Variants in NRCAM observed in about 807,000 individuals in gnomAD.
The protein encoded by NRCAM is NgCAM-related cell adhesion molecule.
In NRCAM, 83 loss-of-function variants were observed where a neutral mutation model predicts 156.5. The observed-to-expected ratio is 0.53, with a 90% CI of 0.44 to 0.64. The LOEUF (loss-of-function observed/expected upper bound fraction) is 0.64. Among genes scored for constraint, NRCAM ranks in the 30% least tolerant of loss-of-function variants. NRCAM has a pLI of 0.00. For missense variants in NRCAM, 1,417 were observed against 1,597.3 expected, an observed-to-expected ratio of 0.89 and a Z score of 1.92; for synonymous variants, 538 against 563.9, an observed-to-expected ratio of 0.95 and a Z score of 0.65.
At chr7:108,268,645 C>T (rs528860126) in intron 3 of NRCAM, among the ~76,000 whole-genome samples, 11 of 84,890 alleles carry the variant, frequency 1.3e-4, no homozygotes, top group East Asian at 7.3e-4. Context: ...TTGGGGGGGG[C>T]GGCGGTGGCG....
At chr7:108,309,644 G>T (rs1001068221) in intron 3 of NRCAM, among the ~76,000 whole-genome samples, 1 of 152,106 alleles carries the variant, frequency 6.6e-6, no homozygotes, top group African/African-American at 2.4e-5. Flanking sequence ...ATCACTTGAG[G>T]CCAGGAGCTC....
At chr7:108,227,415 G>T (rs1347624387) in intron 8 of NRCAM, among the ~76,000 whole-genome samples, 1 of 152,272 alleles carries the variant, frequency 6.6e-6, no homozygotes, top group East Asian at 1.9e-4. Context: ...TCAAATCATG[G>T]TAATTAGCAT....
chr7:108,214,607 T>C (rs1448945997), intron 11 of NRCAM, among the ~76,000 whole-genome samples: 3 of 152,202 alleles, frequency 2.0e-5, no homozygotes, highest in African/African-American at 7.2e-5. Context: ...TCGCCTTTAG[T>C]TCTGCTCTGA....
At chr7:108,393,053 T>A (rs2099765848) in intron 2 of NRCAM, among the ~76,000 whole-genome samples, 1 of 152,150 alleles carries the variant, frequency 6.6e-6, no homozygotes, top group Admixed American at 6.5e-5. Flanking sequence ...TTCTCAGATC[T>A]CAAACTCTGT....
chr7:108,411,008 T>A (rs1262361271), intron 1 of NRCAM, among the ~76,000 whole-genome samples: 4 of 151,970 alleles, frequency 2.6e-5, no homozygotes, highest in Non-Finnish European at 2.9e-5. Flanking sequence ...TCTGTTTTTT[T>A]AAAAAAACTT....
intron 3 of NRCAM, among the ~76,000 whole-genome samples, chr7:108,304,259 A>G (rs2098680585): frequency 1.3e-5 from 2 of 152,096 alleles, no homozygotes; most frequent in African/African-American, 2.4e-5. Context: ...TTCCTTAATG[A>G]TCAGTTAAAG....
intron 6 of NRCAM, 36 bp downstream of exon 6, chr7:108,234,547 T>G: frequency 8.2e-7 from 1 of 1,212,870 alleles, no homozygotes; most frequent in Non-Finnish European, 1.2e-6. Flanking sequence ...TCCTGATTTA[T>G]TCTCAGTACT....
intron 1 of NRCAM, among the ~76,000 whole-genome samples, chr7:108,453,490 T>C (rs540209900): frequency 7.9e-5 from 12 of 152,298 alleles, no homozygotes; most frequent in African/African-American, 2.9e-4. Flanking sequence ...TTAACAAAAA[T>C]GATGTGGTGT....
At chr7:108,373,303 T>C (rs976141762) in intron 2 of NRCAM, among the ~76,000 whole-genome samples, 1 of 152,208 alleles carries the variant, frequency 6.6e-6, no homozygotes, top group Non-Finnish European at 1.5e-5. Context: ...TCAACAGTAC[T>C]GTATTGTACA....
At chr7:108,275,644 C>G (rs921542688) in intron 3 of NRCAM, among the ~76,000 whole-genome samples, 1 of 152,128 alleles carries the variant, frequency 6.6e-6, no homozygotes, top group Non-Finnish European at 1.5e-5. Flanking sequence ...ATTAGTCTTG[C>G]AGGCGGTCTC....
chr7:108,230,334 C>A (rs531497509), intron 8 of NRCAM, among the ~76,000 whole-genome samples: 190 of 151,742 alleles, frequency 1.3e-3, no homozygotes, highest in Non-Finnish European at 2.3e-3. Context: ...AAGTCACCAA[C>A]AAATTTCATC....
Position 108,154,978 on chromosome 7 carries a change from A to T in NRCAM, c.3677+4485T>A, listed in dbSNP as rs148982570. Among the ~76,000 whole-genome samples the T allele has an allele frequency of 3.6e-3, 554 of 152,048 alleles. 3 individuals are homozygous for T. Among genetic ancestry groups the T allele is most frequent in the Non-Finnish European group, 4.6e-3 (310 of 67,980 alleles). On this transcript the variant is annotated intron_variant, in intron 32 of 32. Transcript: ENST00000379028. ...GATGAATTTTGTAATGAAATAGTAA[A>T]TAACTTTTTGACATTGTATTCAGTG...
chr7:108,197,992 C>T lies in NRCAM; in HGVS notation c.1315G>A (p.Gly439Arg). 1.3e-6 allele frequency: 2 copies of T among 1,584,382 alleles called. No individual in the cohort carries two copies. The highest frequency in any genetic ancestry group is 2.3e-5 in the South Asian group (2 of 85,282). ...ACAAATGCGTTTGCCAGTAAATATC[C>T]ATATTCATTAGAGGCATTGCACTGA... ...VYQCNASNEY[G>R]YLLANAFVNV... Residue 439 changes from glycine to arginine, a missense_variant, in exon 14 of 33, where the codon GGA becomes AGA. Coordinates refer to ENST00000379028, the MANE Select transcript of NRCAM (RefSeq NM_001037132.4).
At chr7:108,310,666 C>A (rs1046237862) in intron 3 of NRCAM, among the ~76,000 whole-genome samples, 3 of 152,196 alleles carry the variant, frequency 2.0e-5, no homozygotes, top group African/African-American at 4.8e-5. Context: ...TAGGGACATT[C>A]TGAGTATAAG....
At chr7:108,316,195 G>A (rs1480599589) in intron 2 of NRCAM, among the ~76,000 whole-genome samples, 1 of 152,144 alleles carries the variant, frequency 6.6e-6, no homozygotes, top group Non-Finnish European at 1.5e-5. Context: ...TCTCACAAGA[G>A]TGGATTTGTC....
At chr7:108,246,220 C>T (rs7777322) in intron 3 of NRCAM, among the ~76,000 whole-genome samples, 10,431 of 152,236 alleles carry the variant, frequency 0.069, 509 homozygotes, top group African/African-American at 0.12. Flanking sequence ...CTGCTCCACT[C>T]TGAATGCCTG....
Position 108,191,907 on chromosome 7 carries a change from T to C in NRCAM, c.1779-54A>G, listed in dbSNP as rs2071918099. 3.2e-6 allele frequency: 5 copies of C among 1,548,228 alleles called. No individual in the cohort carries two copies. The African/African-American group carries it at 4.1e-5, about 13-fold the overall frequency. ...GAAATGGACATGCAGCCGTACCCTATAATTGCTTCACTGGCAGGAAAAAAA... is the reference window on the plus strand; with the variant it reads ...GAAATGGACATGCAGCCGTACCCTACAATTGCTTCACTGGCAGGAAAAAAA... On this transcript the variant is annotated intron_variant, in intron 17 of 32. Transcript: ENST00000379028.
intron 28 of NRCAM, among the ~76,000 whole-genome samples, chr7:108,169,876 G>A (rs1372903300): frequency 1.3e-5 from 2 of 152,126 alleles, no homozygotes; most frequent in African/African-American, 4.8e-5. Flanking sequence ...AGATGTTCAA[G>A]GCAGAAACAT....
At position 108,186,173 on chromosome 7, in the gene NRCAM, T is replaced by A. The variant is rs556199468; in HGVS notation, c.2036-1559A>T. ...ACTAAAAATATTATATGTCTTGCAG[T>A]GGTTCAAAACTAAGTCCTTGGAGTT... On this transcript the variant is annotated intron_variant, in intron 20 of 32. Coordinates refer to ENST00000379028, the MANE Select transcript of NRCAM (RefSeq NM_001037132.4). Among the ~76,000 whole-genome samples the A allele has an allele frequency of 2.6e-5, 4 of 152,330 alleles. No individual in the cohort carries two copies. The East Asian group carries it at 7.7e-4, about 29-fold the overall frequency.
Sources: allele counts gnomAD v4.1 joint callset (sites outside exome capture counted in the v4.1 genomes callset), GRCh38; gene constraint gnomAD v4.1.1; transcripts MANE v1.5; gene names NCBI Gene and HGNC (gene_info 2026-07-23, HGNC 2026-07-21).